FGD6: variants seen among roughly 807,000 people sequenced by gnomAD.
FGD6 encodes the protein FYVE, RhoGEF and PH domain-containing protein 6.
FGD6 carries 90 observed loss-of-function variants against 149.4 expected under a neutral mutation model. The observed-to-expected ratio is 0.60, with a 90% CI of 0.51 to 0.72. The LOEUF (loss-of-function observed/expected upper bound fraction) is 0.72, where lower values mean the gene tolerates loss of function less well. Ranked by LOEUF, FGD6 falls within the 30% of genes least tolerant of loss-of-function variation. The pLI, the probability that FGD6 is intolerant of heterozygous loss-of-function variation, is 0.00. For missense variants in FGD6, 1,437 were observed against 1,684.8 expected, an observed-to-expected ratio of 0.85 and a Z score of 2.57; for synonymous variants, 527 against 584.0, an observed-to-expected ratio of 0.90 and a Z score of 1.41.
Position 95,113,685 on chromosome 12 carries a change from G to A in FGD6, c.3099C>T (p.Leu1033=). 1 of 1,592,744 alleles carries A rather than the reference G, an allele frequency of 6.3e-7. No individual in the cohort carries two copies. ...CTCTGTAATCTCCAGCATCTTCTAT[G>A]AGATTCTTCAAATAATCTAGAAAAG... The part of the protein sequence containing the change: ...RLLLTDYLKN[L]IEDAGDYRDT... The change falls in exon 9 of 21, where the codon CTC becomes CTT. Residue 1033 remains leucine (L), a synonymous_variant. Transcript: ENST00000343958.
chr12:95,215,417 A>G (rs1386777571), intron 1 of FGD6, among the ~76,000 whole-genome samples: 1 of 152,232 alleles, frequency 6.6e-6, no homozygotes, highest in Non-Finnish European at 1.5e-5. Flanking sequence ...GTTCCCAAAA[A>G]GCACCATAAT....
chr12:95,208,374 A>G (rs1260341819), intron 2 of FGD6, among the ~76,000 whole-genome samples: 3 of 152,216 alleles, frequency 2.0e-5, no homozygotes, highest in Non-Finnish European at 4.4e-5. Flanking sequence ...AGGTAAAATG[A>G]CCAATCTTCA....
At chr12:95,152,661 C>A in intron 5 of FGD6, 150 bp downstream of exon 5, 4 of 708,180 alleles carry the variant, frequency 5.6e-6, no homozygotes, top group African/African-American at 1.8e-5. Context: ...TACTAAGACT[C>A]TTTCAGAAAT....
intron 2 of FGD6, among the ~76,000 whole-genome samples, chr12:95,201,086 T>C (rs982138329): frequency 2.0e-5 from 3 of 152,048 alleles, no homozygotes; most frequent in South Asian, 2.1e-4. Flanking sequence ...ATTCCAGGAA[T>C]AGATAATGAA....
At chr12:95,127,461 T>G (rs531665744) in intron 8 of FGD6, among the ~76,000 whole-genome samples, 1 of 152,326 alleles carries the variant, frequency 6.6e-6, no homozygotes, top group Admixed American at 6.5e-5. Context: ...GAAGAATCAC[T>G]TGAACCCAGG....
intron 1 of FGD6, among the ~76,000 whole-genome samples, chr12:95,212,458 C>T (rs2056732609): frequency 6.6e-6 from 1 of 152,202 alleles, no homozygotes; most frequent in African/African-American, 2.4e-5. Context: ...AAAAGCTTTA[C>T]ACAACAGACC....
chr12:95,199,977 C>A (rs1279432128), intron 2 of FGD6, among the ~76,000 whole-genome samples: 3 of 152,130 alleles, frequency 2.0e-5, no homozygotes, highest in African/African-American at 7.2e-5. Context: ...GGATAAGCTA[C>A]AAATTATTCC....
chr12:95,090,174 G>GT (rs1159902629), intron 17 of FGD6, among the ~76,000 whole-genome samples: 27 of 152,054 alleles, frequency 1.8e-4, no homozygotes, highest in Admixed American at 1.7e-3. Flanking sequence ...CCATGATGGA[G>GT]TAAGTAGGAA....
At chr12:95,089,928 G>A (rs532692393) in intron 17 of FGD6, among the ~76,000 whole-genome samples, 46 of 151,976 alleles carry the variant, frequency 3.0e-4, no homozygotes, top group Non-Finnish European at 7.4e-5. Context: ...ACTCTTGTGT[G>A]CCTTTAGAAT....
At chr12:95,207,873 T>C (rs1368204006) in intron 2 of FGD6, among the ~76,000 whole-genome samples, 1 of 152,088 alleles carries the variant, frequency 6.6e-6, no homozygotes, top group Non-Finnish European at 1.5e-5. Flanking sequence ...AGCCAAAGAC[T>C]GAGGGGGTGG....
intron 2 of FGD6, among the ~76,000 whole-genome samples, chr12:95,192,718 G>T (rs2136294678): frequency 6.6e-6 from 1 of 152,328 alleles, no homozygotes. Context: ...TGGGAGGGGA[G>T]TGTATTTTGT....
chr12:95,198,881 C>T (rs909558226), intron 2 of FGD6, among the ~76,000 whole-genome samples: 3 of 152,244 alleles, frequency 2.0e-5, no homozygotes, highest in Non-Finnish European at 2.9e-5. Context: ...GTTTTGTTAA[C>T]GTGTATTAGT....
In FGD6 at chr12:95,148,094, C is replaced by A. The variant is rs1366790577; in HGVS notation, c.2685+4717G>T. On this transcript the variant is annotated intron_variant, in intron 5 of 20. Transcript: ENST00000343958. ...AACAGTTCTCACATGAAAGAAGCTG[C>A]TCCAGAGTGAAGGTTTGGTAGCCAT... is the stretch of plus-strand genomic sequence containing the variant. Among the ~76,000 whole-genome samples, 3 of 152,106 alleles carry A rather than the reference C, an allele frequency of 2.0e-5. No individual in the cohort carries two copies. The East Asian group carries it at 5.8e-4, about 29-fold the overall frequency.
chr12:95,187,644 T>C (rs1037575714), intron 2 of FGD6, among the ~76,000 whole-genome samples: 2 of 142,334 alleles, frequency 1.4e-5, no homozygotes, highest in African/African-American at 5.4e-5. Context: ...TGAGCGAGGC[T>C]GCGTCCCCAA....
At chr12:95,107,169 C>G (rs898743205) in intron 12 of FGD6, 132 bp from the exon 13 acceptor site, 5 of 651,148 alleles carry the variant, frequency 7.7e-6, no homozygotes, top group Non-Finnish European at 1.3e-5. Flanking sequence ...TACTTATATT[C>G]TGCTATATAC....
At chr12:95,117,733 AT>A (rs1447937443) in intron 8 of FGD6, among the ~76,000 whole-genome samples, 1 of 150,950 alleles carries the variant, frequency 6.6e-6, no homozygotes, top group Non-Finnish European at 1.5e-5. Context: ...GTACAAGTTA[AT>A]TTTGTTCTCA....
intron 8 of FGD6, among the ~76,000 whole-genome samples, chr12:95,131,002 C>T (rs1414761821): frequency 4.6e-5 from 7 of 151,996 alleles, no homozygotes; most frequent in African/African-American, 1.7e-4. Flanking sequence ...CTTGGGAGGA[C>T]ATTTCACCTT....
At chr12:95,215,784 G>T (rs1161101684) in intron 1 of FGD6, among the ~76,000 whole-genome samples, 1 of 152,184 alleles carries the variant, frequency 6.6e-6, no homozygotes, top group Non-Finnish European at 1.5e-5. Flanking sequence ...ATGCTTCTGT[G>T]CCTGTTCCTT....
intron 5 of FGD6, among the ~76,000 whole-genome samples, chr12:95,152,134 C>T (rs1381228560): frequency 2.0e-5 from 3 of 151,896 alleles, no homozygotes; most frequent in Non-Finnish European, 2.9e-5. Flanking sequence ...GAGATCAGCC[C>T]GGGTAACATG....
Sources: allele counts gnomAD v4.1 joint callset (sites outside exome capture counted in the v4.1 genomes callset), GRCh38; gene constraint gnomAD v4.1.1; transcripts MANE v1.5; gene names NCBI Gene and HGNC (gene_info 2026-07-23, HGNC 2026-07-21).